SECISBP2: variants seen among roughly 807,000 people sequenced by gnomAD.
SECISBP2 encodes SECIS binding protein 2.
In SECISBP2, 96 loss-of-function variants were observed where a neutral mutation model predicts 98.2. The ratio of observed to expected loss-of-function variants is 0.98; its 90% CI spans 0.83 to 1.16. The LOEUF (loss-of-function observed/expected upper bound fraction) is 1.16. Among genes scored for constraint, SECISBP2 ranks in the 50% most tolerant of loss-of-function variants. SECISBP2 has a pLI of 0.00. For missense variants in SECISBP2, 1,046 were observed against 1,022.9 expected (o/e 1.02, Z -0.31); for synonymous variants, 407 against 370.2 (o/e 1.10, Z -1.14).
At chr9:89,335,583 G>A (rs138845635) in intron 7 of SECISBP2, among the ~76,000 whole-genome samples, 3,384 of 152,130 alleles carry the variant, frequency 0.022, 144 homozygotes, top group East Asian at 0.16. Context: ...CATCCACCTC[G>A]GCCTCCCAAA....
intron 14 of SECISBP2, among the ~76,000 whole-genome samples, chr9:89,354,139 T>A (rs967638299): frequency 1.3e-5 from 2 of 152,258 alleles, no homozygotes; most frequent in African/African-American, 4.8e-5. Context: ...CTTCAGTAGT[T>A]GGCCCTTGCC....
the SECISBP2 span, among the ~76,000 whole-genome samples, chr9:89,366,170 A>G: frequency 2.0e-5 from 3 of 152,252 alleles, no homozygotes; most frequent in Non-Finnish European, 4.4e-5. Flanking sequence ...AAGTGAAACA[A>G]TATCTAGGAA....
chr9:89,325,179 C>T, intron 2 of SECISBP2: 1 of 504,396 alleles, frequency 2.0e-6, no homozygotes, highest in South Asian at 2.1e-5. Context: ...GCTGGAGCAT[C>T]TTCTGGCTCT....
At chr9:89,350,018 G>C in intron 13 of SECISBP2, 89 bp downstream of exon 13, 1 of 1,487,788 alleles carries the variant, frequency 6.7e-7, no homozygotes, top group South Asian at 1.2e-5. Context: ...AATCCTTGTT[G>C]CTGGGCCACA....
At chr9:89,341,909 G>A (rs1410365382) in intron 10 of SECISBP2, among the ~76,000 whole-genome samples, 2 of 152,076 alleles carry the variant, frequency 1.3e-5, no homozygotes, top group Admixed American at 6.6e-5. Context: ...TTCAGATATG[G>A]CACCAAAAAG....
Position 89,350,763 on chromosome 9 carries a change from TG to T in SECISBP2, c.2028del (p.Leu677Ter). 1 of 1,614,226 alleles carries T rather than the reference TG, an allele frequency of 6.2e-7. No individual in the cohort carries two copies. The highest frequency in any genetic ancestry group is 8.5e-7 in the Non-Finnish European group (1 of 1,180,026). ...VKAKTKRRLVLGLREVLKHLK... is the reference protein window; with the variant it reads ...VKAKTKRRLVXGLREVLKHLK... ...GCCAAGACTAAACGTCGACTTGTGT[TG>T]GGGTTGAGGGAGGTTCTCAAACACC... On this transcript the variant is annotated frameshift_variant, in exon 14 of 17. Transcript: ENST00000375807. LOFTEE classifies it high-confidence loss of function.
In SECISBP2 at chr9:89,325,558, C is replaced by G. The variant is rs1826549615; in HGVS notation, c.314C>G (p.Ser105Ter). The G allele has an allele frequency of 6.2e-7, 1 of 1,614,164 alleles. No individual in the cohort carries two copies. The highest frequency in any genetic ancestry group is 1.3e-5 in the African/African-American group (1 of 75,044). The change falls in exon 3 of 17, where the codon TCA (serine) becomes TGA (stop). Residue 105 changes from serine (S) to a stop codon, truncating the protein, a stop_gained. Transcript: ENST00000375807. LOFTEE classifies it high-confidence loss of function. ...CTTGACTCCACACAGAATGTTTACT[C>G]AGTGCCTGGCTCCCAGTATCTTTAT... ...YTLDSTQNVY[S>*]VPGSQYLYNQ...
chr9:89,337,791 A>G (rs778939427), intron 7 of SECISBP2, among the ~76,000 whole-genome samples: 4 of 152,278 alleles, frequency 2.6e-5, no homozygotes, highest in Non-Finnish European at 5.9e-5. Flanking sequence ...GACAACACGC[A>G]GACAGATGTA....
At chr9:89,351,379 C>G (rs1049581395) in intron 14 of SECISBP2, among the ~76,000 whole-genome samples, 2 of 152,178 alleles carry the variant, frequency 1.3e-5, no homozygotes, top group African/African-American at 4.8e-5. Flanking sequence ...ACAGTGAACC[C>G]TCACCTGTGA....
At chr9:89,324,628 A>G (rs1004428391) in intron 2 of SECISBP2, 3 of 151,784 alleles carry the variant, frequency 2.0e-5, no homozygotes, top group South Asian at 2.1e-4. Context: ...TGTCATGACT[A>G]GGTTTGGATT....
intron 8 of SECISBP2, 61 bp from the exon 9 acceptor site, chr9:89,339,803 A>G (rs1213306336): frequency 7.9e-6 from 9 of 1,145,182 alleles, no homozygotes; most frequent in Middle Eastern, 1.9e-4. Flanking sequence ...AAGCAAGGAA[A>G]AGGTTGCACT....
intron 10 of SECISBP2, 73 bp from the exon 11 acceptor site, chr9:89,346,809 G>A: frequency 1.3e-6 from 2 of 1,580,032 alleles, no homozygotes; most frequent in Non-Finnish European, 1.7e-6. Context: ...CAGCCCCTGG[G>A]CGAGCTGCGA....
intron 6 of SECISBP2, chr9:89,333,996 A>T: frequency 9.7e-7 from 1 of 1,028,448 alleles, no homozygotes; most frequent in Non-Finnish European, 1.2e-6. Context: ...CTGTGTCCTG[A>T]TAGATGTCTT....
rs143737249 is a variant in SECISBP2 at position 89,356,363 on chromosome 9, G to A, written c.2114-1048G>A. Among the ~76,000 whole-genome samples, 1,206 of 152,306 alleles carry A rather than the reference G, an allele frequency of 7.9e-3. 17 individuals carry two copies. Among genetic ancestry groups the A allele is most frequent in the African/African-American group, 0.027 (1,139 of 41,552 alleles). ...GGTGCCAAAAAGATTGGGGACCGCT[G>A]TTTTAAAGTGTTAGATTAATGTGGA... On this transcript the variant is annotated intron_variant, in intron 14 of 16. Coordinates refer to ENST00000375807, the MANE Select transcript of SECISBP2 (RefSeq NM_024077.5).
Position 89,340,636 on chromosome 9 carries a change from G to GTCCTTTGT in SECISBP2, c.1302+685_1302+692dup, listed in dbSNP as rs374841404. On this transcript the variant is annotated intron_variant, in intron 9 of 16. Transcript: ENST00000375807. ...TTCCATGTAGCAGGCCTCCTTGCCTGTCCTTTGTTGCACTTGGTACTTTCC... is the reference window on the plus strand; with the variant it reads ...TTCCATGTAGCAGGCCTCCTTGCCTGTCCTTTGTTCCTTTGTTGCACTTGGTACTTTCC... Among the ~76,000 whole-genome samples, 1,272 of 152,292 alleles carry GTCCTTTGT rather than the reference G, an allele frequency of 8.4e-3. 14 individuals carry two copies. The highest frequency in any genetic ancestry group is 0.029 in the African/African-American group (1,224 of 41,542).
At chr9:89,357,233 C>A in intron 14 of SECISBP2, 178 bp from the exon 15 acceptor site, 1 of 685,608 alleles carries the variant, frequency 1.5e-6, no homozygotes, top group African/African-American at 1.8e-5. Context: ...CCATTTTTCC[C>A]CATATTTTTG....
Position 89,347,465 on chromosome 9 carries a change from CTTTTTTTTTTTTTT to C in SECISBP2, c.1602+428_1602+441del, listed in dbSNP as rs1184563393. 6.9e-5 allele frequency among the ~76,000 whole-genome samples: 6 copies of C among 87,402 alleles called. No individual in the cohort carries two copies. The East Asian group carries it at 1.2e-3, about 17-fold the overall frequency. 57.3% of individuals were successfully genotyped at this position (87,402 alleles called of 152,430 possible). ...CAGTCACAGGCTCCTCCGGTGAATT[CTTTTTTTTTTTTTT>C]TTTTTTTTTTGAGACGGAGTTTTGC... On this transcript the variant is annotated intron_variant, in intron 11 of 16. Coordinates refer to ENST00000375807, the MANE Select transcript of SECISBP2 (RefSeq NM_024077.5).
downstream of SECISBP2, chr9:89,362,569 T>C: frequency 6.8e-7 from 1 of 1,464,468 alleles, no homozygotes; most frequent in Non-Finnish European, 9.5e-7. Context: ...CCTTGGAGTC[T>C]AAAGATCCAA....
downstream of SECISBP2, chr9:89,363,916 ATTC>A (rs776787101): frequency 2.2e-5 from 35 of 1,613,980 alleles, no homozygotes; most frequent in African/African-American, 4.0e-5. Flanking sequence ...GAGCTCGCCC[ATTC>A]TTCTCCCAGA....
Sources: allele counts gnomAD v4.1 joint callset (sites outside exome capture counted in the v4.1 genomes callset), GRCh38; gene constraint gnomAD v4.1.1; transcripts MANE v1.5; gene names NCBI Gene and HGNC (gene_info 2026-07-23, HGNC 2026-07-21).